SEL1L3: variants seen among roughly 807,000 people sequenced by gnomAD.
SEL1L3 encodes the protein SEL1L family member 3.
SEL1L3 carries 76 observed loss-of-function variants against 142.8 expected under a neutral mutation model. The ratio of observed to expected loss-of-function variants is 0.53; its 90% CI spans 0.44 to 0.64. The LOEUF is 0.64. Among genes scored for constraint, SEL1L3 ranks in the 30% least tolerant of loss-of-function variants. The pLI, the probability that SEL1L3 is intolerant of heterozygous loss-of-function variation, is 0.00. For synonymous variants in SEL1L3, 504 were observed against 519.6 expected, an observed-to-expected ratio of 0.97 and a Z score of 0.41; for missense variants, 1,262 against 1,381.7, an observed-to-expected ratio of 0.91 and a Z score of 1.37.
At chr4:25,847,120 C>T (rs1470901325) in intron 2 of SEL1L3, among the ~76,000 whole-genome samples, 174 bp downstream of exon 2, 2 of 152,004 alleles carry the variant, frequency 1.3e-5, no homozygotes, top group Non-Finnish European at 2.9e-5. Flanking sequence ...TCCTCTCTTC[C>T]CCTTTTAATT....
chr4:25,827,475 C>T (rs188479367), intron 6 of SEL1L3, among the ~76,000 whole-genome samples: 265 of 152,306 alleles, frequency 1.7e-3, no homozygotes, highest in Middle Eastern at 3.4e-3. Flanking sequence ...CAAATCTGTC[C>T]CTTGTACCTT....
intron 15 of SEL1L3, 109 bp downstream of exon 15, chr4:25,782,133 G>A: frequency 1.0e-6 from 1 of 958,666 alleles, no homozygotes; most frequent in East Asian, 2.4e-5. Context: ...GCTCCTCGAG[G>A]ACAGGGACTG....
At position 25,862,918 on chromosome 4, in the gene SEL1L3, GC is replaced by G. The variant is rs1311699016; in HGVS notation, c.-83del. 2.1e-6 allele frequency: 2 copies of G among 933,418 alleles called. No homozygotes were observed. Among genetic ancestry groups the G allele is most frequent in the Non-Finnish European group, 2.5e-6 (2 of 796,296 alleles). The allele number at this position is 933,418 out of a possible 1,614,324, so 57.8% of individuals were successfully genotyped here. A position where few individuals can be genotyped will look rare whatever the true frequency, so the allele number is the denominator to read the frequency against. On this transcript the variant is annotated 5_prime_UTR_variant, in exon 1 of 24. Coordinates refer to ENST00000399878, the MANE Select transcript of SEL1L3 (RefSeq NM_015187.5). The stretch of plus-strand genomic sequence containing the variant: ...CGCCCGAGGCGCCACCTTCCCGCCC[GC>G]CCCCGGCCGGGCCGGCCGCCGCGCG...
intron 14 of SEL1L3, among the ~76,000 whole-genome samples, chr4:25,783,727 C>T (rs1488231030): frequency 6.6e-6 from 1 of 152,190 alleles, no homozygotes; most frequent in African/African-American, 2.4e-5. Context: ...CTTGAAGATA[C>T]CACTTAAATG....
the SEL1L3 span, among the ~76,000 whole-genome samples, chr4:25,728,860 CAAAA>C: frequency 1.4e-4 from 13 of 95,110 alleles, no homozygotes; most frequent in Non-Finnish European, 1.4e-4. Flanking sequence ...AGACTTGTGT[CAAAA>C]AAAAAAAAAA....
intron 1 of SEL1L3, among the ~76,000 whole-genome samples, chr4:25,849,074 G>T (rs982616251): frequency 6.6e-6 from 1 of 152,208 alleles, no homozygotes; most frequent in South Asian, 2.1e-4. Flanking sequence ...GGGAGGTGGA[G>T]GTTGCAGTGA....
chr4:25,808,597 A>C (rs1041041681), intron 9 of SEL1L3, among the ~76,000 whole-genome samples: 1 of 152,120 alleles, frequency 6.6e-6, no homozygotes, highest in Non-Finnish European at 1.5e-5. Flanking sequence ...GGTGTAATGC[A>C]TCCAAGGTAG....
intron 2 of SEL1L3, among the ~76,000 whole-genome samples, chr4:25,841,895 G>A (rs1716187865): frequency 6.6e-6 from 1 of 152,178 alleles, no homozygotes; most frequent in African/African-American, 2.4e-5. Context: ...GGGAGGCGGA[G>A]GGTGCAGTGA....
At chr4:25,858,646 C>T (rs1376089930) in intron 1 of SEL1L3, among the ~76,000 whole-genome samples, 2 of 152,098 alleles carry the variant, frequency 1.3e-5, no homozygotes, top group African/African-American at 4.8e-5. Flanking sequence ...AGTGCAGCGG[C>T]GCGATCTCAG....
intron 1 of SEL1L3, among the ~76,000 whole-genome samples, chr4:25,848,549 A>G (rs757591626): frequency 5.3e-5 from 8 of 152,252 alleles, no homozygotes; most frequent in Admixed American, 2.6e-4. Flanking sequence ...CATGAAATCA[A>G]TGCAAGGTTT....
chr4:25,830,914 C>T (rs1428604034), intron 5 of SEL1L3, among the ~76,000 whole-genome samples: 1 of 152,204 alleles, frequency 6.6e-6, no homozygotes, highest in East Asian at 1.9e-4. Context: ...ATTTAAGTCA[C>T]TTATACATTC....
At chr4:25,736,000 TG>T in the SEL1L3 span, among the ~76,000 whole-genome samples, 1 of 151,374 alleles carries the variant, frequency 6.6e-6, no homozygotes. Flanking sequence ...TGGCTAATAT[TG>T]TGTATTTTTA....
chr4:25,805,797 G>A (rs563681725), intron 9 of SEL1L3, among the ~76,000 whole-genome samples: 54 of 152,278 alleles, frequency 3.5e-4, no homozygotes, highest in African/African-American at 1.3e-3. Context: ...AGGCCATATA[G>A]GATTGCAAAG....
At chr4:25,737,914 G>A in the SEL1L3 span, among the ~76,000 whole-genome samples, 7 of 151,836 alleles carry the variant, frequency 4.6e-5, no homozygotes, top group African/African-American at 1.7e-4. Flanking sequence ...GTTTGAGACA[G>A]AGTCTCACTC....
intron 23 of SEL1L3, among the ~76,000 whole-genome samples, chr4:25,753,390 G>T (rs945555081): frequency 6.6e-6 from 1 of 152,314 alleles, no homozygotes; most frequent in African/African-American, 2.4e-5. Flanking sequence ...CTGACGGGAG[G>T]CTCCTAACTC....
chr4:25,748,665 T>G, intron 23 of SEL1L3, 101 bp from the exon 24 acceptor site: 20 of 1,238,834 alleles, frequency 1.6e-5, no homozygotes, highest in Non-Finnish European at 2.0e-5. Flanking sequence ...GAGATGCATC[T>G]AGTCTAATGA....
At position 25,835,323 on chromosome 4, in the gene SEL1L3, T is replaced by C; in HGVS notation, c.734A>G (p.Asp245Gly). The change falls in exon 3 of 24, where the codon GAT becomes GGT. Residue 245 changes from aspartate to glycine, a missense_variant and splice_region_variant. Coordinates refer to ENST00000399878, the MANE Select transcript of SEL1L3 (RefSeq NM_015187.5). ...AGGAAAGCCAAGCAGGGCAACCACA[T>C]CTGCAAACAGCAAAATGGCTCCCTT... ...NRIPQCPLEN[D>G]VVALLGFPYA... The C allele has an allele frequency of 6.2e-7, 1 of 1,613,676 alleles. No homozygotes were observed. The highest frequency in any genetic ancestry group is 1.1e-5 in the South Asian group (1 of 91,034).
chr4:25,772,445 A>G (rs1719291900), intron 17 of SEL1L3, among the ~76,000 whole-genome samples: 1 of 152,192 alleles, frequency 6.6e-6, no homozygotes, highest in Non-Finnish European at 1.5e-5. Flanking sequence ...TAAGTTGAAC[A>G]TGTTCTCCTA....
chr4:25,804,389 T>C (rs1373461942), intron 10 of SEL1L3, among the ~76,000 whole-genome samples, 152 bp downstream of exon 10: 1 of 152,212 alleles, frequency 6.6e-6, no homozygotes, highest in Non-Finnish European at 1.5e-5. Context: ...ATCCTGTATT[T>C]AACACAGCCC....
Sources: allele counts gnomAD v4.1 joint callset (sites outside exome capture counted in the v4.1 genomes callset), GRCh38; gene constraint gnomAD v4.1.1; transcripts MANE v1.5; gene names NCBI Gene and HGNC (gene_info 2026-07-23, HGNC 2026-07-21).